Variants in MBP observed in about 807,000 individuals in gnomAD.
MBP encodes the protein Golli-MBP.
MBP carries 16 observed loss-of-function variants against 35.8 expected under a neutral mutation model. The ratio of observed to expected loss-of-function variants is 0.45; its 90% CI spans 0.30 to 0.68. MBP has a LOEUF of 0.68. Ranked by LOEUF, MBP falls within the 30% of genes least tolerant of loss-of-function variation. The pLI, the probability that MBP is intolerant of heterozygous loss-of-function variation, is 0.08. For missense variants in MBP, 380 were observed against 404.7 expected (o/e 0.94, Z 0.52); for synonymous variants, 143 against 159.6 (o/e 0.90, Z 0.78).
chr18:77,065,188 G>T (rs1372816332), intron 3 of MBP, among the ~76,000 whole-genome samples: 3 of 152,224 alleles, frequency 2.0e-5, no homozygotes. Context: ...AATTTATAAA[G>T]AAAATAAATT....
At chr18:77,017,991 G>C (rs1382842879) in intron 3 of MBP, among the ~76,000 whole-genome samples, 2 of 152,200 alleles carry the variant, frequency 1.3e-5, no homozygotes, top group African/African-American at 4.8e-5. Context: ...TTTCAAGTTA[G>C]AGTGTTAGGT....
intron 4 of MBP, chr18:77,006,782 C>G (rs944008284): frequency 6.6e-6 from 1 of 152,228 alleles, no homozygotes; most frequent in South Asian, 2.1e-4. Context: ...GGAGGGGGCA[C>G]CGCAGCACGG....
chr18:77,014,767 T>G (rs1971536049), intron 4 of MBP: 1 of 985,276 alleles, frequency 1.0e-6, no homozygotes, highest in Non-Finnish European at 1.2e-6. Flanking sequence ...CCGGGATGCC[T>G]CACAGCTGCT....
chr18:76,996,839 A>T (rs1355422248), intron 4 of MBP, among the ~76,000 whole-genome samples: 1 of 152,202 alleles, frequency 6.6e-6, no homozygotes, highest in Non-Finnish European at 1.5e-5. Context: ...CCCCCAAAGC[A>T]AGCCCATTTT....
rs1368027304 is a variant in MBP at position 76,986,045 on chromosome 18, G to C, written c.751-1151C>G. On this transcript the variant is annotated intron_variant, in intron 7 of 8. Coordinates refer to ENST00000355994, the MANE Select transcript of MBP (RefSeq NM_001025101.2). ...TCCACTGCAAACATGGGGAGGAAGG[G>C]AAGGAGCTCGCTGTGGGAGTCTGGG... is the stretch of plus-strand genomic sequence containing the variant. 7 of 985,570 alleles carry C rather than the reference G, an allele frequency of 7.1e-6. No homozygotes were observed. In the African/African-American group the frequency reaches 8.7e-5, roughly 12 times the overall value. The allele number at this position is 985,570 out of a possible 1,614,324, so 61.1% of individuals were successfully genotyped here. A position where few individuals can be genotyped will look rare whatever the true frequency, so the allele number is the denominator to read the frequency against.
intron 3 of MBP, among the ~76,000 whole-genome samples, chr18:77,029,991 C>T (rs556059814): frequency 2.0e-5 from 3 of 152,328 alleles, no homozygotes; most frequent in African/African-American, 7.2e-5. Context: ...CACAGGGCCC[C>T]ACTCCCCAGC....
intron 3 of MBP, among the ~76,000 whole-genome samples, chr18:77,033,427 A>G (rs1482782519): frequency 6.6e-6 from 1 of 152,140 alleles, no homozygotes; most frequent in Admixed American, 6.5e-5. Context: ...TGCATGTCAT[A>G]AAATGTCCTT....
At chr18:76,984,694 G>A (rs773588007) in intron 8 of MBP, 81 bp downstream of exon 8, 3 of 1,595,758 alleles carry the variant, frequency 1.9e-6, no homozygotes, top group Non-Finnish European at 2.6e-6. Flanking sequence ...AGAGGCGGCA[G>A]CCACCCTTGT....
rs371361297 is a variant in MBP, at chr18:77,131,060, A to AACAC, written c.-26+1516_-26+1519dup. 0.018 allele frequency among the ~76,000 whole-genome samples: 2,118 copies of AACAC among 119,808 alleles called. 77 individuals are homozygous for AACAC. The highest frequency in any genetic ancestry group is 0.1 in the East Asian group (423 of 4,122). 78.6% of individuals were successfully genotyped at this position (119,808 alleles called of 152,430 possible). ...AAAAAAACAAAACCTCAAAAAACAA[A>AACAC]ACACACACACGCGCGCACGCACGCG... On this transcript the variant is annotated intron_variant, in intron 1 of 8. Coordinates refer to ENST00000355994, the MANE Select transcript of MBP (RefSeq NM_001025101.2). The surrounding 1 kb of genome is among the most constrained non-coding windows in gnomAD (Gnocchi z 5.5).
chr18:76,981,823 C>T (rs1969221510), intron 8 of MBP: 1 of 152,250 alleles, frequency 6.6e-6, no homozygotes, highest in African/African-American at 2.4e-5. Flanking sequence ...GAGCTGCCCT[C>T]TGGAGTAGCC....
chr18:77,018,785 T>G, intron 3 of MBP, among the ~76,000 whole-genome samples: 1 of 98,684 alleles, frequency 1.0e-5, no homozygotes, highest in South Asian at 3.7e-4. Context: ...TCCATCCACA[T>G]ATCAGTCCAT....
intron 2 of MBP, among the ~76,000 whole-genome samples, chr18:77,076,671 G>A (rs1163221470): frequency 1.3e-5 from 2 of 152,198 alleles, no homozygotes; most frequent in African/African-American, 4.8e-5. Flanking sequence ...ACCTTCCACA[G>A]AGCAGTTATT....
chr18:77,118,612 C>CCACA (rs71174609), intron 1 of MBP, among the ~76,000 whole-genome samples: 47,145 of 133,626 alleles, frequency 0.35, 8,786 homozygotes, highest in South Asian at 0.46. Flanking sequence ...TCCACAGACA[C>CCACA]CACACACACA....
chr18:77,010,808 T>C (rs1315013442), intron 4 of MBP, among the ~76,000 whole-genome samples: 2 of 152,212 alleles, frequency 1.3e-5, no homozygotes, highest in African/African-American at 2.4e-5. Context: ...AGGGCTGCAG[T>C]TGAAAGACTA....
chr18:77,034,051 CAAAAAA>C, intron 3 of MBP, among the ~76,000 whole-genome samples: 1 of 70,502 alleles, frequency 1.4e-5, no homozygotes. Context: ...CCTAATGGGG[CAAAAAA>C]AAAAAAAAAA....
chr18:77,098,835 G>A lies in MBP; in HGVS notation c.51+6376C>T, dbSNP rs76746320. ...GAGTCTGGGCAGATTTAAACGGGCC[G>A]TTCCTTGTTCCTCCTCCGCGCTGCA... On this transcript the variant is annotated intron_variant, in intron 2 of 8. Coordinates refer to ENST00000355994, the MANE Select transcript of MBP (RefSeq NM_001025101.2). 6.6e-5 allele frequency among the ~76,000 whole-genome samples: 10 copies of A among 152,324 alleles called. No homozygotes were observed. The East Asian group carries it at 9.6e-4, about 15-fold the overall frequency.
intron 3 of MBP, among the ~76,000 whole-genome samples, chr18:77,028,589 T>C (rs1221528544): frequency 1.3e-5 from 1 of 75,392 alleles, no homozygotes; most frequent in African/African-American, 3.8e-5. Flanking sequence ...GCCCCTCACC[T>C]CCCGGACGGG....
chr18:77,071,585 C>A (rs537277457), intron 2 of MBP, among the ~76,000 whole-genome samples: 1 of 152,266 alleles, frequency 6.6e-6, no homozygotes, highest in African/African-American at 2.4e-5. Flanking sequence ...TGACTGTATT[C>A]TCTCCTTGGA....
At chr18:77,041,771 C>A (rs1973006392) in intron 3 of MBP, among the ~76,000 whole-genome samples, 1 of 115,290 alleles carries the variant, frequency 8.7e-6, no homozygotes. Context: ...CACACTGGGA[C>A]CTGTTGTGGG....
Sources: gnomAD v4.1 joint callset for allele counts (sites outside exome capture counted in the v4.1 genomes callset) on GRCh38, gnomAD v4.1.1 for gene constraint, Gnocchi (gnomAD v3.1) non-coding constraint, MANE v1.5 for transcripts, NCBI Gene and HGNC (gene_info 2026-07-23, HGNC 2026-07-21) for gene names.